The following STAG3 variants were observed in gnomAD, a reference collection of about 807,000 sequenced individuals.
The protein encoded by STAG3 is cohesin subunit SA-3.
In STAG3, 101 loss-of-function variants were observed where a neutral mutation model predicts 160.7. That is an observed-to-expected ratio of 0.63 (90% CI 0.54 to 0.74). The LOEUF (loss-of-function observed/expected upper bound fraction) is 0.74, where lower values mean the gene tolerates loss of function less well. Among genes scored for constraint, STAG3 ranks in the 30% least tolerant of loss-of-function variants. The pLI, the probability that STAG3 is intolerant of heterozygous loss-of-function variation, is 0.00. For synonymous variants in STAG3, 519 were observed against 585.0 expected, an observed-to-expected ratio of 0.89 and a Z score of 1.63; for missense variants, 1,188 against 1,517.4, an observed-to-expected ratio of 0.78 and a Z score of 3.61.
chr7:100,178,137 C>CT (rs1312144782), intron 1 of STAG3, 132 bp downstream of exon 1: 1 of 194 alleles, frequency 5.2e-3, no homozygotes, highest in Non-Finnish European at 6.8e-3. Context: ...CCGGGCCGTG[C>CT]CCCAATGGCC....
At chr7:100,203,326 C>T (rs1370963189) in intron 25 of STAG3, among the ~76,000 whole-genome samples, 3 of 151,736 alleles carry the variant, frequency 2.0e-5, no homozygotes, top group Non-Finnish European at 4.4e-5. Context: ...GCTGGGATTA[C>T]AGGCATGCGC....
intron 21 of STAG3, 70 bp from the exon 22 acceptor site, chr7:100,201,716 T>C: frequency 7.7e-7 from 1 of 1,293,218 alleles, no homozygotes; most frequent in Non-Finnish European, 1.1e-6. Context: ...TCTTCACTGG[T>C]GTGTTTCTGG....
intron 26 of STAG3, 24 bp from the exon 27 acceptor site, chr7:100,204,603 A>G (rs958393060): frequency 4.4e-6 from 7 of 1,607,098 alleles, no homozygotes; most frequent in Admixed American, 1.7e-5. Flanking sequence ...CCTTTCCCAC[A>G]TGCACCATGT....
intron 16 of STAG3, 150 bp from the exon 17 acceptor site, chr7:100,200,086 G>A: frequency 1.8e-6 from 1 of 550,654 alleles, no homozygotes; most frequent in Non-Finnish European, 3.2e-6. Flanking sequence ...AAAAAAAGGA[G>A]TTTCATTTCC....
chr7:100,207,034 C>T lies in STAG3; in HGVS notation c.3238+1650C>T, dbSNP rs183993681. Among the ~76,000 whole-genome samples the T allele has an allele frequency of 7.9e-4, 120 of 152,290 alleles. No homozygotes were observed. Among genetic ancestry groups the T allele is most frequent in the African/African-American group, 2.8e-3 (115 of 41,566 alleles). The stretch of plus-strand genomic sequence containing the variant: ...CTTTCACTTAGTACAGTGTTTTCAA[C>T]GTTCATCCATACTTTGACATATATC... On this transcript the variant is annotated intron_variant, in intron 29 of 33. Coordinates refer to ENST00000615138, the MANE Select transcript of STAG3 (RefSeq NM_001282717.2). This position sits in a 1 kb window ranked among gnomAD's most constrained non-coding sequence, Gnocchi z 4.0.
chr7:100,206,684 C>G (rs1457793971), intron 29 of STAG3, among the ~76,000 whole-genome samples: 1 of 151,770 alleles, frequency 6.6e-6, no homozygotes, highest in Non-Finnish European at 1.5e-5. Context: ...GTTGGCCAGG[C>G]TGGTCTCAAA....
chr7:100,180,755 C>A, intron 2 of STAG3, 83 bp downstream of exon 2: 2 of 849,542 alleles, frequency 2.4e-6, no homozygotes, highest in Non-Finnish European at 4.1e-6. Flanking sequence ...TGATAATATG[C>A]GTGGGACTGT....
At chr7:100,201,006 A>G in intron 19 of STAG3, 37 bp downstream of exon 19, 2 of 1,613,930 alleles carry the variant, frequency 1.2e-6, no homozygotes, top group Non-Finnish European at 8.5e-7. Flanking sequence ...CACCCCAAAC[A>G]AGGGTGGGAG....
downstream of STAG3, among the ~76,000 whole-genome samples, chr7:100,216,694 G>A (rs1188624494): frequency 5.3e-5 from 8 of 151,952 alleles, no homozygotes; most frequent in South Asian, 2.1e-4. Context: ...CCAGCTACTC[G>A]GGAGGCTGAG....
chr7:100,184,642 A>T (rs547921726), intron 4 of STAG3, among the ~76,000 whole-genome samples: 1 of 151,424 alleles, frequency 6.6e-6, no homozygotes, highest in Admixed American at 6.6e-5. Flanking sequence ...TAATTTTTGT[A>T]TTTTTAGCAG....
chr7:100,198,066 G>A (rs747304541), intron 11 of STAG3, 21 bp from the exon 12 acceptor site: 1 of 1,613,190 alleles, frequency 6.2e-7, no homozygotes, highest in South Asian at 1.1e-5. Context: ...GAGATATTGA[G>A]TGACTTTCTC....
In STAG3 at chr7:100,213,885, C is replaced by A. The variant is rs1002440350; in HGVS notation, c.3672+79C>A. 6 of 1,612,882 alleles carry A rather than the reference C, an allele frequency of 3.7e-6. No homozygotes were observed. In the African/African-American group the frequency reaches 5.3e-5, roughly 14 times the overall value. On this transcript the variant is annotated intron_variant, in intron 33 of 33. Coordinates refer to ENST00000615138, the MANE Select transcript of STAG3 (RefSeq NM_001282717.2). ...CCCGTGCACTCATCAAATTGACAGG[C>A]CATAGCCTGGGGGTGGCCCTCTGGG... is the stretch of plus-strand genomic sequence containing the variant.
chr7:100,213,781 T>TAA lies in STAG3; in HGVS notation c.3648_3649insAA (p.Asp1217LysfsTer28). The TAA allele has an allele frequency of 1.2e-6, 2 of 1,614,234 alleles. No individual in the cohort carries two copies. Among genetic ancestry groups the TAA allele is most frequent in the Non-Finnish European group, 1.7e-6 (2 of 1,180,032 alleles). On this transcript the variant is annotated frameshift_variant, in exon 33 of 34. Coordinates refer to ENST00000615138, the MANE Select transcript of STAG3 (RefSeq NM_001282717.2). LOFTEE classifies it high-confidence loss of function. ...ACCAGTGAGCGCGGGCTGGACCTCT[T>TAA]AGATTCTACAGAGCTGGATATTGAG...
chr7:100,211,570 C>A (rs758914432), intron 31 of STAG3, 31 bp downstream of exon 31: 2 of 1,607,240 alleles, frequency 1.2e-6, no homozygotes, highest in Non-Finnish European at 1.7e-6. Flanking sequence ...CCTGTCTTCA[C>A]TTCAGATCTG....
chr7:100,191,886 T>C (rs1364912538), intron 8 of STAG3, among the ~76,000 whole-genome samples: 1 of 152,266 alleles, frequency 6.6e-6, no homozygotes, highest in East Asian at 1.9e-4. Flanking sequence ...TGCTGCTTTA[T>C]CAGCTAAATT....
chr7:100,213,838 C>T, intron 33 of STAG3, 32 bp downstream of exon 33: 2 of 1,614,150 alleles, frequency 1.2e-6, no homozygotes, highest in South Asian at 1.1e-5. Context: ...GTTATGTATC[C>T]TTCGGAAATG....
intron 6 of STAG3, 65 bp from the exon 7 acceptor site, chr7:100,188,747 C>A: frequency 6.5e-7 from 1 of 1,533,362 alleles, no homozygotes; most frequent in Non-Finnish European, 9.0e-7. Flanking sequence ...TTTTGACATC[C>A]AAGCCCCTAT....
In STAG3 at chr7:100,210,968, C is replaced by T. The variant is rs146963129; in HGVS notation, c.3239-43C>T. On this transcript the variant is annotated intron_variant, in intron 29 of 33. Coordinates refer to ENST00000615138, the MANE Select transcript of STAG3 (RefSeq NM_001282717.2). ...GGTCTTGGAAAGAGAGCACACCTGT[C>T]GCAGGCCCTGGGCTGTGGTTAATGT... 237 of 1,582,894 alleles carry T rather than the reference C, an allele frequency of 1.5e-4. 1 individual carries two copies. The African/African-American group carries it at 2.1e-3, about 14-fold the overall frequency.
intron 32 of STAG3, chr7:100,212,140 T>G: frequency 2.8e-6 from 1 of 352,710 alleles, no homozygotes; most frequent in Non-Finnish European, 5.2e-6. Flanking sequence ...TATTGTTGCC[T>G]CCGAACCCCC....
Sources: allele counts gnomAD v4.1 joint callset (sites outside exome capture counted in the v4.1 genomes callset), GRCh38; gene constraint gnomAD v4.1.1; non-coding constraint Gnocchi (gnomAD v3.1); transcripts MANE v1.5; gene names NCBI Gene and HGNC (gene_info 2026-07-23, HGNC 2026-07-21).